Variants in SNX18 observed in about 807,000 individuals in gnomAD.
SNX18 encodes sorting nexin-18.
A neutral mutation model predicts 48.7 loss-of-function variants in SNX18; 35 were observed. The observed-to-expected ratio is 0.72, with a 90% confidence interval of 0.55 to 0.95. The LOEUF (loss-of-function observed/expected upper bound fraction) is 0.95, where lower values mean the gene tolerates loss of function less well. Among genes scored for constraint, SNX18 ranks in the 40% least tolerant of loss-of-function variants. The pLI, the probability that SNX18 is intolerant of heterozygous loss-of-function variation, is 0.00. For synonymous variants in SNX18, 492 were observed against 384.7 expected, an observed-to-expected ratio of 1.28 and a Z score of -3.26; for missense variants, 824 against 871.0, an observed-to-expected ratio of 0.95 and a Z score of 0.68.
chr5:54,571,506 G>A, the SNX18 span, among the ~76,000 whole-genome samples: 7 of 152,132 alleles, frequency 4.6e-5, no homozygotes, highest in Non-Finnish European at 7.4e-5. Flanking sequence ...TGAAGTCTTC[G>A]TTCCAATTTC....
chr5:54,550,027 G>A (rs1440883237), downstream of SNX18, among the ~76,000 whole-genome samples: 1 of 152,202 alleles, frequency 6.6e-6, no homozygotes, highest in Non-Finnish European at 1.5e-5. Flanking sequence ...GTGCAGTTCA[G>A]GATTTACCAA....
the SNX18 span, among the ~76,000 whole-genome samples, chr5:54,630,266 G>A: frequency 5.3e-5 from 8 of 152,200 alleles, no homozygotes; most frequent in African/African-American, 1.9e-4. Context: ...GGAAGTCTTG[G>A]ACTACTTACA....
chr5:54,549,097 G>C (rs1393901868), downstream of SNX18, among the ~76,000 whole-genome samples: 1 of 152,012 alleles, frequency 6.6e-6, no homozygotes, highest in African/African-American at 2.4e-5. Context: ...CCATTGGTTG[G>C]ATCCACAGAT....
At position 54,519,587 on chromosome 5, in the gene SNX18, C is replaced by G; in HGVS notation, c.1621+14C>G. ...ACGTTCAGAAAGGTAAAGCCTGGCC[C>G]TTAGAGCAGGTGATATGGAGTGTAT... On this transcript the variant is annotated intron_variant, in intron 1 of 1. Transcript: ENST00000381410. 1 of 1,614,202 alleles carries G rather than the reference C, an allele frequency of 6.2e-7. No individual in the cohort carries two copies. The highest frequency in any genetic ancestry group is 8.5e-7 in the Non-Finnish European group (1 of 1,180,036).
the SNX18 span, among the ~76,000 whole-genome samples, chr5:54,584,450 G>T: frequency 6.6e-6 from 1 of 152,142 alleles, no homozygotes; most frequent in African/African-American, 2.4e-5. Flanking sequence ...TGCTTATGGA[G>T]ACTAATGGGG....
the SNX18 span, among the ~76,000 whole-genome samples, chr5:54,629,647 A>T: frequency 6.6e-6 from 1 of 152,154 alleles, no homozygotes; most frequent in African/African-American, 2.4e-5. Context: ...CTTCCTACTG[A>T]AGCCAACGAA....
At chr5:54,600,740 G>A in the SNX18 span, among the ~76,000 whole-genome samples, 6 of 152,092 alleles carry the variant, frequency 3.9e-5, no homozygotes, top group Admixed American at 6.6e-5. Flanking sequence ...GAAAACCAAA[G>A]GCCACATGTT....
At chr5:54,576,292 C>G in the SNX18 span, among the ~76,000 whole-genome samples, 4 of 152,158 alleles carry the variant, frequency 2.6e-5, no homozygotes, top group East Asian at 1.9e-4. Context: ...TTTTATGCCA[C>G]TAAGTTTTGG....
chr5:54,639,422 A>C, the SNX18 span, among the ~76,000 whole-genome samples: 1 of 152,220 alleles, frequency 6.6e-6, no homozygotes, highest in Non-Finnish European at 1.5e-5. Flanking sequence ...ATACATTTCA[A>C]ATGAACAGAT....
At chr5:54,626,087 G>A in the SNX18 span, among the ~76,000 whole-genome samples, 3 of 152,208 alleles carry the variant, frequency 2.0e-5, no homozygotes, top group South Asian at 6.2e-4. Context: ...TCTCTTTTTG[G>A]CTTAAGCTAA....
chr5:54,570,442 A>G, the SNX18 span, among the ~76,000 whole-genome samples: 1 of 152,224 alleles, frequency 6.6e-6, no homozygotes, highest in African/African-American at 2.4e-5. Flanking sequence ...ACGGTTTTCC[A>G]TATTTGCCTA....
chr5:54,616,548 G>A, the SNX18 span, among the ~76,000 whole-genome samples: 11 of 152,072 alleles, frequency 7.2e-5, no homozygotes, highest in African/African-American at 2.7e-4. Flanking sequence ...TGAGGCAGGT[G>A]GATCACCTGA....
the SNX18 span, among the ~76,000 whole-genome samples, chr5:54,620,680 T>G: frequency 6.6e-6 from 1 of 152,190 alleles, no homozygotes; most frequent in Admixed American, 6.5e-5. Context: ...GTACATTGGT[T>G]GGGCAGAGTA....
chr5:54,535,413 C>T (rs1762333185), intron 1 of SNX18, among the ~76,000 whole-genome samples: 1 of 152,100 alleles, frequency 6.6e-6, no homozygotes, highest in Non-Finnish European at 1.5e-5. Flanking sequence ...ACAGAATCAG[C>T]GTGGGAATCT....
the SNX18 span, among the ~76,000 whole-genome samples, chr5:54,551,823 C>CT: frequency 6.6e-6 from 1 of 152,270 alleles, no homozygotes; most frequent in Admixed American, 6.5e-5. Flanking sequence ...TCTGGGGTCC[C>CT]TGGAGCACAC....
chr5:54,581,124 A>C, the SNX18 span, among the ~76,000 whole-genome samples: 1 of 152,168 alleles, frequency 6.6e-6, no homozygotes, highest in Non-Finnish European at 1.5e-5. Flanking sequence ...ATGAGATTGG[A>C]GAGGTCCACT....
chr5:54,562,613 T>C, the SNX18 span, among the ~76,000 whole-genome samples: 135 of 152,362 alleles, frequency 8.9e-4, 1 homozygote, highest in Non-Finnish European at 1.1e-3. Flanking sequence ...ACAAACCTCC[T>C]GCACTGCCTG....
chr5:54,523,360 G>C (rs1331944394), intron 1 of SNX18, among the ~76,000 whole-genome samples: 2 of 152,112 alleles, frequency 1.3e-5, no homozygotes, highest in East Asian at 3.8e-4. Context: ...AAATCTAGGT[G>C]GCAGCAAGTT....
Position 54,546,066 on chromosome 5 carries a change from AC to A in SNX18, c.*2637del, listed in dbSNP as rs1462865190. The stretch of plus-strand genomic sequence containing the variant: ...CGTCCAAGCTGTTGTATCTGAAGGT[AC>A]CCAGTTTGCACCCAGGATGAGGGAA... On this transcript the variant is annotated 3_prime_UTR_variant, in exon 2 of 2. Coordinates refer to ENST00000381410, the MANE Select transcript of SNX18 (RefSeq NM_001102575.2). 2 of 152,174 alleles carry A rather than the reference AC, an allele frequency of 1.3e-5. No individual in the cohort carries two copies. The highest frequency in any genetic ancestry group is 6.5e-5 in the Admixed American group (1 of 15,276). The allele number at this position is 152,174 out of a possible 1,614,324, so 9.4% of individuals were successfully genotyped here.
Sources: gnomAD v4.1 joint callset for allele counts (sites outside exome capture counted in the v4.1 genomes callset) on GRCh38, gnomAD v4.1.1 for gene constraint, MANE v1.5 for transcripts, NCBI Gene and HGNC (gene_info 2026-07-23, HGNC 2026-07-21) for gene names.